LINGO2: variants seen among roughly 807,000 people sequenced by gnomAD.
LINGO2 encodes the protein leucine rich repeat and Ig domain containing 2.
LINGO2 carries 14 observed loss-of-function variants against 30.6 expected under a neutral mutation model. That is an observed-to-expected ratio of 0.46 (90% CI 0.30 to 0.72). The LOEUF is 0.72. Among genes scored for constraint, LINGO2 ranks in the 30% least tolerant of loss-of-function variants. The pLI is 0.07. For missense variants in LINGO2, 729 were observed against 751.7 expected, an observed-to-expected ratio of 0.97 and a Z score of 0.35; for synonymous variants, 317 against 288.5, an observed-to-expected ratio of 1.10 and a Z score of -1.00.
intron 2 of LINGO2, among the ~76,000 whole-genome samples, chr9:28,377,229 C>T (rs529244076): frequency 2.2e-4 from 33 of 152,176 alleles, no homozygotes; most frequent in African/African-American, 7.9e-4. Flanking sequence ...CTGCCATGCC[C>T]GAGAGAGCAA....
chr9:28,644,568 T>C (rs959784526), intron 1 of LINGO2, among the ~76,000 whole-genome samples: 2 of 147,214 alleles, frequency 1.4e-5, no homozygotes, highest in African/African-American at 5.2e-5. Context: ...TGGGAATGGT[T>C]AATGGGTGCA....
chr9:28,909,606 T>C, the LINGO2 span, among the ~76,000 whole-genome samples: 1 of 152,054 alleles, frequency 6.6e-6, no homozygotes, highest in African/African-American at 2.4e-5. Context: ...GTCAATGTCT[T>C]GGGCTTCAAT....
chr9:29,079,618 A>G, the LINGO2 span, among the ~76,000 whole-genome samples: 3 of 147,488 alleles, frequency 2.0e-5, no homozygotes, highest in African/African-American at 7.6e-5. Context: ...TTATGGCCAT[A>G]TATAATCTAG....
At chr9:28,244,963 G>C (rs927298411) in intron 4 of LINGO2, among the ~76,000 whole-genome samples, 3 of 152,150 alleles carry the variant, frequency 2.0e-5, no homozygotes, top group African/African-American at 7.2e-5. Flanking sequence ...TATGAGGCCA[G>C]CATCATTCTG....
chr9:28,246,024 C>T (rs1267065775), intron 4 of LINGO2, among the ~76,000 whole-genome samples: 2 of 152,168 alleles, frequency 1.3e-5, no homozygotes, highest in Non-Finnish European at 1.5e-5. Flanking sequence ...CTGGAGGCAT[C>T]ATGCTACCTG....
intron 2 of LINGO2, among the ~76,000 whole-genome samples, chr9:28,424,400 G>A (rs952225976): frequency 1.6e-4 from 24 of 152,242 alleles, no homozygotes; most frequent in African/African-American, 2.4e-4. Context: ...CCGAGGTACC[G>A]TAGCCAATAG....
At chr9:29,207,329 C>A in the LINGO2 span, among the ~76,000 whole-genome samples, 1 of 151,946 alleles carries the variant, frequency 6.6e-6, no homozygotes, top group Non-Finnish European at 1.5e-5. Flanking sequence ...GTACCTGGAG[C>A]AATACAGTTT....
intron 3 of LINGO2, among the ~76,000 whole-genome samples, chr9:28,330,774 G>A (rs951881536): frequency 1.3e-5 from 2 of 151,992 alleles, no homozygotes; most frequent in Non-Finnish European, 2.9e-5. Flanking sequence ...ATGCTTTGTG[G>A]TATACTCTTC....
chr9:29,185,847 CAT>C, the LINGO2 span, among the ~76,000 whole-genome samples: 1 of 152,152 alleles, frequency 6.6e-6, no homozygotes, highest in African/African-American at 2.4e-5. Context: ...TAGGTCTACA[CAT>C]ATATGTCACA....
At chr9:28,467,484 CTTT>C (rs949035189) in intron 2 of LINGO2, among the ~76,000 whole-genome samples, 2 of 152,060 alleles carry the variant, frequency 1.3e-5, no homozygotes, top group African/African-American at 4.8e-5. Context: ...TGGAATTCTT[CTTT>C]GTTAATGCTG....
chr9:28,372,157 C>T (rs970826872), intron 3 of LINGO2, among the ~76,000 whole-genome samples: 2 of 152,098 alleles, frequency 1.3e-5, no homozygotes, highest in African/African-American at 4.8e-5. Flanking sequence ...TCCAACTTCA[C>T]AATTTTGCTA....
chr9:29,014,713 T>A, the LINGO2 span, among the ~76,000 whole-genome samples: 1 of 152,116 alleles, frequency 6.6e-6, no homozygotes, highest in African/African-American at 2.4e-5. Context: ...ATTATCAAGT[T>A]CTCACATCAA....
the LINGO2 span, among the ~76,000 whole-genome samples, chr9:28,761,635 G>A: frequency 1.3e-5 from 2 of 151,814 alleles, no homozygotes; most frequent in African/African-American, 4.8e-5. Context: ...AATAAGAAAA[G>A]TGACATCTAT....
At chr9:28,449,314 C>G (rs984908134) in intron 2 of LINGO2, among the ~76,000 whole-genome samples, 1 of 152,028 alleles carries the variant, frequency 6.6e-6, no homozygotes, top group Non-Finnish European at 1.5e-5. Context: ...TAATTTCTTA[C>G]TTCTTGCATA....
At chr9:28,699,251 T>C in the LINGO2 span, among the ~76,000 whole-genome samples, 1 of 152,014 alleles carries the variant, frequency 6.6e-6, no homozygotes, top group Non-Finnish European at 1.5e-5. Flanking sequence ...CTGTATTTTT[T>C]TGGCCCTAAA....
At chr9:28,300,215 A>T (rs1289820655) in intron 3 of LINGO2, among the ~76,000 whole-genome samples, 1 of 152,068 alleles carries the variant, frequency 6.6e-6, no homozygotes, top group Admixed American at 6.6e-5. Flanking sequence ...TATGAATAGC[A>T]CATCAGTGTT....
chr9:28,994,600 G>A, the LINGO2 span, among the ~76,000 whole-genome samples: 95,006 of 148,530 alleles, frequency 0.64, 31,206 homozygotes, highest in Non-Finnish European at 0.72. Context: ...GAGGCATCAC[G>A]CTACCTGACT....
chr9:28,961,778 T>G, the LINGO2 span, among the ~76,000 whole-genome samples: 1 of 152,166 alleles, frequency 6.6e-6, no homozygotes, highest in African/African-American at 2.4e-5. Flanking sequence ...GTGCTTTGCT[T>G]TTCTATATAG....
At chr9:28,547,155 T>TA (rs1406200651) in intron 1 of LINGO2, among the ~76,000 whole-genome samples, 1 of 152,162 alleles carries the variant, frequency 6.6e-6, no homozygotes. Flanking sequence ...CATCTGAAGT[T>TA]ACGTTGTTTA....
Sources: allele counts gnomAD v4.1 joint callset (sites outside exome capture counted in the v4.1 genomes callset), GRCh38; gene constraint gnomAD v4.1.1; transcripts MANE v1.5; gene names NCBI Gene and HGNC (gene_info 2026-07-23, HGNC 2026-07-21).